RREB1: variants seen among roughly 807,000 people sequenced by gnomAD.
RREB1 encodes the protein ras responsive element binding protein 1.
RREB1 carries 27 observed loss-of-function variants against 117.8 expected under a neutral mutation model. The ratio of observed to expected loss-of-function variants is 0.23; its 90% CI spans 0.17 to 0.32. The LOEUF (loss-of-function observed/expected upper bound fraction) is 0.32. Ranked by LOEUF, RREB1 falls within the 10% of genes least tolerant of loss-of-function variation. The probability of loss-of-function intolerance (pLI) is 1.00; values close to 1 mark genes in which losing one functional copy is unlikely to be tolerated. For synonymous variants in RREB1, 1,298 were observed against 1,026.7 expected, an observed-to-expected ratio of 1.26 and a Z score of -5.05; for missense variants, 2,577 against 2,378.2, an observed-to-expected ratio of 1.08 and a Z score of -1.74.
chr6:7,189,028 A>G, intron 5 of RREB1, 131 bp from the exon 6 acceptor site: 1 of 837,032 alleles, frequency 1.2e-6, no homozygotes, highest in Non-Finnish European at 1.8e-6. Context: ...AAAGATATTT[A>G]AAATGAAAGA....
intron 8 of RREB1, chr6:7,217,487 G>T (rs1177142176): frequency 6.6e-6 from 1 of 152,194 alleles, no homozygotes; most frequent in Non-Finnish European, 1.5e-5. Flanking sequence ...AAGGATGTGT[G>T]GGTCACATAA....
chr6:7,148,058 A>G (rs1205224532), intron 1 of RREB1, among the ~76,000 whole-genome samples: 1 of 152,186 alleles, frequency 6.6e-6, no homozygotes, highest in African/African-American at 2.4e-5. Flanking sequence ...TCGGTCCAGA[A>G]TATTCAGCCG....
chr6:7,225,304 CAT>C (rs747614789), intron 8 of RREB1, among the ~76,000 whole-genome samples: 12 of 152,316 alleles, frequency 7.9e-5, no homozygotes, highest in Admixed American at 2.0e-4. Flanking sequence ...ATCTTGGAAA[CAT>C]ACTGTGTCTG....
At chr6:7,176,431 G>A (rs1476957916) in intron 1 of RREB1, among the ~76,000 whole-genome samples, 2 of 152,054 alleles carry the variant, frequency 1.3e-5, no homozygotes, top group African/African-American at 2.4e-5. Flanking sequence ...GGGGGATAGG[G>A]GTGTTCCTGT....
intron 1 of RREB1, among the ~76,000 whole-genome samples, chr6:7,124,746 A>G (rs1443234233): frequency 6.6e-6 from 1 of 152,212 alleles, no homozygotes. Flanking sequence ...CCAGCCGCCT[A>G]AATTCCTTTC....
chr6:7,195,988 A>G (rs1561774578), intron 6 of RREB1, among the ~76,000 whole-genome samples: 3 of 152,296 alleles, frequency 2.0e-5, no homozygotes, highest in South Asian at 4.1e-4. Flanking sequence ...TTGATTCCAC[A>G]AGGCTGGTCT....
rs928412321 is a variant in RREB1, at chr6:7,230,223, C to T, written c.2124C>T (p.Phe708=). The change falls in exon 10 of 13, where the codon TTC becomes TTT. Residue 708 remains phenylalanine, a synonymous_variant. Coordinates refer to ENST00000379938, the MANE Select transcript of RREB1 (RefSeq NM_001003699.4). ...TTTGCAAGATCTGCCACTACCCCTTCACTGTCAAAGCCAACTGCGAGCGGC... is the reference window on the plus strand; with the variant it reads ...TTTGCAAGATCTGCCACTACCCCTTTACTGTCAAAGCCAACTGCGAGCGGC... ...PYICKICHYP[F]TVKANCERHL... 2 of 1,604,706 alleles carry T rather than the reference C, an allele frequency of 1.2e-6. No individual in the cohort carries two copies. The highest frequency in any genetic ancestry group is 2.2e-5 in the East Asian group (1 of 44,854).
At chr6:7,141,991 C>T (rs1255430104) in intron 1 of RREB1, among the ~76,000 whole-genome samples, 1 of 152,230 alleles carries the variant, frequency 6.6e-6, no homozygotes, top group Non-Finnish European at 1.5e-5. Flanking sequence ...GCAGGCGGAT[C>T]ATCTGAGGTC....
chr6:7,159,364 C>A (rs1763537758), intron 1 of RREB1, among the ~76,000 whole-genome samples: 1 of 152,212 alleles, frequency 6.6e-6, no homozygotes, highest in Non-Finnish European at 1.5e-5. Flanking sequence ...ACCTGATAGT[C>A]ATCATTCAGA....
intron 6 of RREB1, among the ~76,000 whole-genome samples, chr6:7,195,502 C>T (rs541999463): frequency 2.6e-5 from 4 of 152,250 alleles, no homozygotes; most frequent in South Asian, 4.2e-4. Context: ...GCCTGTGTTA[C>T]GTTAATCAGG....
At chr6:7,241,591 G>A (rs1768709684) in intron 11 of RREB1, among the ~76,000 whole-genome samples, 1 of 152,124 alleles carries the variant, frequency 6.6e-6, no homozygotes, top group South Asian at 2.1e-4. Flanking sequence ...GTAGTTACGA[G>A]GCACCCCTGC....
Position 7,229,719 on chromosome 6 carries a change from C to T in RREB1, c.1620C>T (p.Pro540=). The change falls in exon 10 of 13, where the codon CCC becomes CCT. Residue 540 remains proline (P), a synonymous_variant. Coordinates refer to ENST00000379938, the MANE Select transcript of RREB1 (RefSeq NM_001003699.4). The surrounding 1 kb of genome is among the most constrained non-coding windows in gnomAD (Gnocchi z 4.5). ...AGGCTTCCCCGGGCTGTATCAGCCC[C>T]AGCCTGCCGCCACCGCCCCTGAAGC... is the stretch of plus-strand genomic sequence containing the variant. ...AQQASPGCIS[P]SLPPPPLKLL... 6.2e-7 allele frequency: 1 copy of T among 1,602,748 alleles called. No homozygotes were observed. Among genetic ancestry groups the T allele is most frequent in the South Asian group, 1.1e-5 (1 of 90,248 alleles).
At chr6:7,144,930 G>T (rs1365922499) in intron 1 of RREB1, among the ~76,000 whole-genome samples, 1 of 152,204 alleles carries the variant, frequency 6.6e-6, no homozygotes, top group Non-Finnish European at 1.5e-5. Flanking sequence ...GCGAGGTTAT[G>T]AAGGCCCTGG....
intron 1 of RREB1, among the ~76,000 whole-genome samples, chr6:7,160,677 C>CT (rs35328818): frequency 8.8e-5 from 13 of 147,450 alleles, no homozygotes; most frequent in South Asian, 2.2e-4. Flanking sequence ...ACCTGGATAA[C>CT]TTTTTTTTTT....
intron 6 of RREB1, among the ~76,000 whole-genome samples, chr6:7,208,383 G>A (rs1250819399): frequency 6.6e-6 from 1 of 152,176 alleles, no homozygotes; most frequent in Admixed American, 6.5e-5. Context: ...CAAATCCATC[G>A]TCAGACCTGG....
At position 7,230,176 on chromosome 6, in the gene RREB1, C is replaced by G; in HGVS notation, c.2077C>G (p.His693Asp). 1 of 1,607,068 alleles carries G rather than the reference C, an allele frequency of 6.2e-7. No individual in the cohort carries two copies. Among genetic ancestry groups the G allele is most frequent in the African/African-American group, 1.3e-5 (1 of 75,074 alleles). Residue 693 changes from histidine (H) to aspartate (D), a missense_variant, in exon 10 of 13, where the codon CAC (histidine) becomes GAC (aspartate). His to Asp is a moderately conservative substitution (Grantham distance 81). Transcript: ENST00000379938. ...CGCGCTCATCCGCCACCTGCGCACG[C>G]ACAGTGGGGAGCGGCCCTACATTTG... The part of the protein sequence containing the change: ...KAALIRHLRT[H>D]SGERPYICKI...
At chr6:7,206,456 TC>T (rs1195253997) in intron 6 of RREB1, among the ~76,000 whole-genome samples, 1 of 152,242 alleles carries the variant, frequency 6.6e-6, no homozygotes, top group Non-Finnish European at 1.5e-5. Flanking sequence ...ATTTGTCCAT[TC>T]AGGAATTCAA....
intron 10 of RREB1, among the ~76,000 whole-genome samples, chr6:7,238,080 A>T (rs1007263404): frequency 3.9e-5 from 6 of 152,188 alleles, no homozygotes; most frequent in African/African-American, 1.4e-4. Context: ...GTAGCTTCTT[A>T]CTTGTTTTCC....
In RREB1 at chr6:7,249,045, C is replaced by T; in HGVS notation, c.*77C>T. ...TACTTCATGGGGTTTCCTCAGTGCC[C>T]TTTGGCTGTTGAGGAGTGAGAGAGA... On this transcript the variant is annotated 3_prime_UTR_variant, in exon 13 of 13. Transcript: ENST00000379938. 2.8e-6 allele frequency: 3 copies of T among 1,054,078 alleles called. No individual in the cohort carries two copies. Among genetic ancestry groups the T allele is most frequent in the Non-Finnish European group, 4.0e-6 (3 of 758,176 alleles). The allele number at this position is 1,054,078 out of a possible 1,614,324, so 65.3% of individuals were successfully genotyped here.
Sources: allele counts gnomAD v4.1 joint callset (sites outside exome capture counted in the v4.1 genomes callset), GRCh38; gene constraint gnomAD v4.1.1; non-coding constraint Gnocchi (gnomAD v3.1); transcripts MANE v1.5; gene names NCBI Gene and HGNC (gene_info 2026-07-23, HGNC 2026-07-21).